Variants in CHN2 observed in about 807,000 individuals in gnomAD.
CHN2 encodes beta-chimaerin.
CHN2 carries 35 observed loss-of-function variants against 56.3 expected under a neutral mutation model. The observed-to-expected ratio is 0.62, with a 90% CI of 0.47 to 0.82. CHN2 has a LOEUF of 0.82. Ranked by LOEUF, CHN2 falls within the 40% of genes least tolerant of loss-of-function variation. CHN2 has a pLI of 0.00. For synonymous variants in CHN2, 210 were observed against 212.8 expected (o/e 0.99, Z 0.12); for missense variants, 491 against 580.5 (o/e 0.85, Z 1.58).
At chr7:29,427,656 C>CTTTTT (rs754677450) in intron 6 of CHN2, among the ~76,000 whole-genome samples, 4 of 120,392 alleles carry the variant, frequency 3.3e-5, no homozygotes, top group African/African-American at 1.3e-4. Context: ...ATTTTTTATT[C>CTTTTT]TTTTTTTTTT....
intron 3 of CHN2, among the ~76,000 whole-genome samples, chr7:29,388,620 G>C (rs894486149): frequency 2.0e-5 from 3 of 152,118 alleles, no homozygotes; most frequent in African/African-American, 7.2e-5. Flanking sequence ...TCAAACCTAG[G>C]CAGTTTGAGT....
At chr7:29,251,522 T>C (rs1247025202) in intron 1 of CHN2, among the ~76,000 whole-genome samples, 1 of 152,232 alleles carries the variant, frequency 6.6e-6, no homozygotes, top group Non-Finnish European at 1.5e-5. Flanking sequence ...GATTACTTTT[T>C]AGTGTTGTTA....
At chr7:29,492,963 G>T (rs2128562950) in intron 7 of CHN2, among the ~76,000 whole-genome samples, 1 of 152,256 alleles carries the variant, frequency 6.6e-6, no homozygotes, top group South Asian at 2.1e-4. Flanking sequence ...AGTGCTCAGG[G>T]ATGAGCTCTC....
At chr7:29,257,697 C>T (rs1244095086) in intron 1 of CHN2, among the ~76,000 whole-genome samples, 1 of 152,230 alleles carries the variant, frequency 6.6e-6, no homozygotes, top group African/African-American at 2.4e-5. Context: ...TGTCCTTCCT[C>T]CTGCTACTCG....
intron 1 of CHN2, among the ~76,000 whole-genome samples, chr7:29,267,927 A>G (rs547281851): frequency 6.6e-6 from 1 of 152,174 alleles, no homozygotes; most frequent in Non-Finnish European, 1.5e-5. Context: ...GTTTTATACT[A>G]AAGTCCCCAG....
At chr7:29,429,426 A>T (rs1805192767) in intron 6 of CHN2, among the ~76,000 whole-genome samples, 1 of 151,784 alleles carries the variant, frequency 6.6e-6, no homozygotes, top group South Asian at 2.1e-4. Flanking sequence ...AAATTTAGAG[A>T]CTCTTTTGTT....
At chr7:29,389,620 A>G (rs1801201063) in intron 3 of CHN2, among the ~76,000 whole-genome samples, 1 of 152,202 alleles carries the variant, frequency 6.6e-6, no homozygotes, top group Admixed American at 6.5e-5. Flanking sequence ...GGTGGTATAT[A>G]TTAAGGTAGT....
intron 1 of CHN2, chr7:29,208,814 G>A (rs969064101): frequency 2.6e-5 from 4 of 152,192 alleles, no homozygotes; most frequent in Admixed American, 1.3e-4. Flanking sequence ...CTGAGGTACC[G>A]TGGTTGTAGA....
intron 1 of CHN2, among the ~76,000 whole-genome samples, chr7:29,224,270 A>C (rs1030182378): frequency 2.6e-5 from 4 of 152,212 alleles, no homozygotes; most frequent in Non-Finnish European, 5.9e-5. Flanking sequence ...ATTATGAAAC[A>C]GTTTGTGATT....
At chr7:29,161,471 C>A (rs539585757) in intron 2 of CHN2, among the ~76,000 whole-genome samples, 3 of 152,124 alleles carry the variant, frequency 2.0e-5, no homozygotes, top group African/African-American at 7.2e-5. Context: ...TATCTCGAAC[C>A]CCACATTTTT....
At chr7:29,222,483 A>G (rs145567275) in intron 1 of CHN2, among the ~76,000 whole-genome samples, 61 of 90,318 alleles carry the variant, frequency 6.8e-4, no homozygotes, top group Non-Finnish European at 1.2e-3. Flanking sequence ...TACAGTAACC[A>G]AAACAGCACA....
chr7:29,468,813 G>T (rs1344289961), intron 6 of CHN2, among the ~76,000 whole-genome samples: 1 of 152,114 alleles, frequency 6.6e-6, no homozygotes, highest in African/African-American at 2.4e-5. Context: ...AGCTTTCCTT[G>T]TCTTTCTTTG....
At chr7:29,407,120 G>C (rs7799841) in intron 6 of CHN2, among the ~76,000 whole-genome samples, 1 of 151,966 alleles carries the variant, frequency 6.6e-6, no homozygotes, top group Non-Finnish European at 1.5e-5. Flanking sequence ...CAGGAGTCTG[G>C]AGAAGCAGGG....
chr7:29,199,378 G>A (rs1783978028), intron 1 of CHN2, among the ~76,000 whole-genome samples: 1 of 152,096 alleles, frequency 6.6e-6, no homozygotes, highest in South Asian at 2.1e-4. Flanking sequence ...TGGACCTTTG[G>A]ATTTTTCAGA....
chr7:29,270,734 A>G (rs1006671824), intron 1 of CHN2, among the ~76,000 whole-genome samples: 3 of 152,082 alleles, frequency 2.0e-5, no homozygotes, highest in African/African-American at 7.2e-5. Context: ...TGAGTATAGC[A>G]GAAGGCTAGA....
intron 6 of CHN2, among the ~76,000 whole-genome samples, chr7:29,462,543 C>T (rs965090505): frequency 1.6e-4 from 25 of 152,194 alleles, no homozygotes; most frequent in African/African-American, 6.0e-4. Flanking sequence ...GCTGGGAAGA[C>T]TCTCACACAC....
At chr7:29,268,842 T>C (rs1790376235) in intron 1 of CHN2, among the ~76,000 whole-genome samples, 1 of 152,216 alleles carries the variant, frequency 6.6e-6, no homozygotes, top group Admixed American at 6.5e-5. Flanking sequence ...GGAAACACCT[T>C]GATTCACTCA....
At chr7:29,509,200 A>C in intron 11 of CHN2, 101 bp from the exon 12 acceptor site, 1 of 782,264 alleles carries the variant, frequency 1.3e-6, no homozygotes. Flanking sequence ...ATTTATTAGA[A>C]TCCTTCCCCA....
intron 2 of CHN2, among the ~76,000 whole-genome samples, chr7:29,147,986 C>T (rs533334677): frequency 4.6e-5 from 7 of 152,190 alleles, no homozygotes; most frequent in Non-Finnish European, 7.3e-5. Context: ...CTCCTCTCTT[C>T]CCACAGGGCT....
Sources: allele counts gnomAD v4.1 joint callset (sites outside exome capture counted in the v4.1 genomes callset), GRCh38; gene constraint gnomAD v4.1.1; transcripts MANE v1.5; gene names NCBI Gene and HGNC (gene_info 2026-07-23, HGNC 2026-07-21).